NAV1: variants seen among roughly 807,000 people sequenced by gnomAD.
NAV1 encodes pore membrane and/or filament interacting like protein 3.
Under a neutral mutation model 175.2 loss-of-function variants are expected in NAV1, and 18 were observed. That is an observed-to-expected ratio of 0.10 (90% CI 0.07 to 0.15). The LOEUF is 0.15. NAV1 is among the 10% of genes least tolerant of loss of function. The pLI is 1.00. For synonymous variants in NAV1, 897 were observed against 978.7 expected, an observed-to-expected ratio of 0.92 and a Z score of 1.56; for missense variants, 1,731 against 2,436.6, an observed-to-expected ratio of 0.71 and a Z score of 6.10.
At chr1:201,634,125 A>G (rs1424460284) in intron 2 of NAV1, among the ~76,000 whole-genome samples, 2 of 152,152 alleles carry the variant, frequency 1.3e-5, no homozygotes, top group African/African-American at 4.8e-5. Flanking sequence ...AGCCTTGGGG[A>G]ACTTATTTAG....
At chr1:201,780,089 G>T (rs928321882) in intron 3 of NAV1, among the ~76,000 whole-genome samples, 4 of 152,330 alleles carry the variant, frequency 2.6e-5, no homozygotes, top group African/African-American at 7.2e-5. Context: ...AAGAATGGAG[G>T]TTGTTTACAG....
exon 30 of NAV1, chr1:201,824,372 C>T (rs974122516): frequency 6.6e-6 from 1 of 151,938 alleles, no homozygotes; most frequent in African/African-American, 2.4e-5. Context: ...ACACTGTTCC[C>T]CAAAGGCCAA....
intron 15 of NAV1, among the ~76,000 whole-genome samples, chr1:201,801,056 TG>T (rs977552166): frequency 6.6e-6 from 1 of 152,134 alleles, no homozygotes; most frequent in Non-Finnish European, 1.5e-5. Flanking sequence ...CTTGAACTGC[TG>T]GCTCAAGCCA....
At chr1:201,642,804 C>T (rs1281118345) in intron 2 of NAV1, among the ~76,000 whole-genome samples, 1 of 149,438 alleles carries the variant, frequency 6.7e-6, no homozygotes, top group Non-Finnish European at 1.5e-5. Flanking sequence ...GAGTCTTGCT[C>T]TGTCGCCCAG....
intron 1 of NAV1, among the ~76,000 whole-genome samples, chr1:201,676,012 C>A (rs1032964781): frequency 6.6e-6 from 1 of 152,230 alleles, no homozygotes; most frequent in South Asian, 2.1e-4. Flanking sequence ...AGTCTTGCCC[C>A]CTCTCTGCGT....
chr1:201,738,888 T>C (rs1673230429), intron 3 of NAV1, among the ~76,000 whole-genome samples: 1 of 152,186 alleles, frequency 6.6e-6, no homozygotes, highest in Non-Finnish European at 1.5e-5. Context: ...AAATGTAGGC[T>C]TCCCAGTTTG....
intron 1 of NAV1, among the ~76,000 whole-genome samples, chr1:201,557,372 C>A (rs184511992): frequency 6.6e-6 from 1 of 152,226 alleles, no homozygotes; most frequent in Non-Finnish European, 1.5e-5. Context: ...AGCCTTCAGA[C>A]GTGTCCTGAG....
intron 1 of NAV1, among the ~76,000 whole-genome samples, chr1:201,668,607 G>A (rs1414413869): frequency 6.6e-6 from 1 of 152,178 alleles, no homozygotes; most frequent in African/African-American, 2.4e-5. Context: ...GGGTAGAGAG[G>A]TGGTGCTGGG....
intron 1 of NAV1, among the ~76,000 whole-genome samples, chr1:201,657,502 T>C (rs1209585520): frequency 1.3e-5 from 2 of 152,212 alleles, no homozygotes; most frequent in African/African-American, 4.8e-5. Flanking sequence ...CTTCCATTTT[T>C]CTTCCATTTC....
At chr1:201,602,534 G>A (rs956303716) in intron 2 of NAV1, among the ~76,000 whole-genome samples, 4 of 151,854 alleles carry the variant, frequency 2.6e-5, no homozygotes, top group Non-Finnish European at 4.4e-5. Flanking sequence ...GTAGAGACAG[G>A]GTTCCACCGT....
exon 30 of NAV1, chr1:201,821,034 C>G (rs1679350713): frequency 6.6e-6 from 1 of 152,098 alleles, no homozygotes; most frequent in Non-Finnish European, 1.5e-5. Context: ...GAAGAGGAAC[C>G]CAGTTCCCTT....
intron 15 of NAV1, among the ~76,000 whole-genome samples, chr1:201,799,552 C>G (rs1016483480): frequency 6.6e-6 from 1 of 152,116 alleles, no homozygotes; most frequent in African/African-American, 2.4e-5. Context: ...TGCAACGTAT[C>G]ATTTGCTCTT....
rs370361797 is a variant in NAV1, at chr1:201,686,164, G to A, written c.758-26653G>A. On this transcript the variant is annotated intron_variant, in intron 1 of 29. Transcript: ENST00000367296. The stretch of plus-strand genomic sequence containing the variant: ...CTTCTAGATGGAAGGGAGTCATGTT[G>A]GTCCTCAGAGAAATCCAGGCACCCA... Among the ~76,000 whole-genome samples, 8 of 152,122 alleles carry A rather than the reference G, an allele frequency of 5.3e-5. 1 individual carries two copies. In the East Asian group the frequency reaches 1.5e-3, roughly 29 times the overall value.
At chr1:201,746,251 A>C (rs1199689932) in intron 3 of NAV1, among the ~76,000 whole-genome samples, 1 of 152,228 alleles carries the variant, frequency 6.6e-6, no homozygotes, top group Non-Finnish European at 1.5e-5. Flanking sequence ...TGTGGAACTT[A>C]GTAATGATCT....
chr1:201,782,380 G>C lies in NAV1; in HGVS notation c.1868G>C (p.Gly623Ala). ...GGCACAGCCACTGTCATGCAAACTGGTGGTTCAGCCACTCTCAGCAAGATC... is the reference window on the plus strand; with the variant it reads ...GGCACAGCCACTGTCATGCAAACTGCTGGTTCAGCCACTCTCAGCAAGATC... The change falls in exon 6 of 30, where the codon GGT (glycine) becomes GCT (alanine). Residue 623 changes from glycine (G) to alanine (A), a missense_variant. Transcript: ENST00000367296. The surrounding 1 kb of genome is among the most constrained non-coding windows in gnomAD (Gnocchi z 5.4). 6.2e-7 allele frequency: 1 copy of C among 1,614,124 alleles called. No homozygotes were observed.
rs113751843 is a variant in NAV1, at chr1:201,544,584, A to G, written c.-144+5242A>G. On this transcript the variant is annotated intron_variant, in intron 1 of 33. Transcript: ENST00000685211. ...CACTATGTTGAAATCATCTTATTCT[A>G]TATTTGGACAGCTCTGTCTCTCAGA... Among the ~76,000 whole-genome samples, 670 of 152,198 alleles carry G rather than the reference A, an allele frequency of 4.4e-3. 7 individuals are homozygous for G. The highest frequency in any genetic ancestry group is 0.016 in the African/African-American group (651 of 41,528).
intron 1 of NAV1, among the ~76,000 whole-genome samples, chr1:201,692,449 A>G (rs1230223727): frequency 6.6e-6 from 1 of 152,234 alleles, no homozygotes; most frequent in African/African-American, 2.4e-5. Flanking sequence ...CCAGTAAAAT[A>G]TATATGTCTG....
intron 1 of NAV1, among the ~76,000 whole-genome samples, chr1:201,577,472 ATTTTTTTTTTTTTT>A (rs36112197): frequency 0.044 from 4,286 of 98,122 alleles, 276 homozygotes; most frequent in African/African-American, 0.15. Flanking sequence ...TGAGACTTAG[ATTTTTTTTTTTTTT>A]TTTTTTTTTT....
chr1:201,556,168 T>G (rs1666003594), intron 1 of NAV1, among the ~76,000 whole-genome samples: 1 of 152,086 alleles, frequency 6.6e-6, no homozygotes, highest in Admixed American at 6.5e-5. Flanking sequence ...GCCTGTCACT[T>G]TAGAAGGCCA....
Sources: allele counts gnomAD v4.1 joint callset (sites outside exome capture counted in the v4.1 genomes callset), GRCh38; gene constraint gnomAD v4.1.1; non-coding constraint Gnocchi (gnomAD v3.1); transcripts MANE v1.5; gene names NCBI Gene and HGNC (gene_info 2026-07-23, HGNC 2026-07-21).